CEP128: variants seen among roughly 807,000 people sequenced by gnomAD.
CEP128 encodes centrosomal protein 128.
CEP128 carries 132 observed loss-of-function variants against 156.7 expected under a neutral mutation model. That is an observed-to-expected ratio of 0.84 (90% CI 0.73 to 0.97). The LOEUF is 0.97. CEP128 is among the 50% of genes least tolerant of loss of function. The probability of loss-of-function intolerance (pLI) is 0.00; values close to 1 mark genes in which losing one functional copy is unlikely to be tolerated. For synonymous variants in CEP128, 469 were observed against 448.9 expected (o/e 1.04, Z -0.57); for missense variants, 1,252 against 1,281.9 (o/e 0.98, Z 0.36).
In CEP128 at chr14:80,646,709, C is replaced by T. The variant is rs1353330324; in HGVS notation, c.2807-66286G>A. Among the ~76,000 whole-genome samples, 3 of 151,488 alleles carry T rather than the reference C, an allele frequency of 2.0e-5. No homozygotes were observed. The South Asian group carries it at 6.2e-4, about 32-fold the overall frequency. On this transcript the variant is annotated intron_variant, in intron 19 of 24. Transcript: ENST00000555265. Reference sequence around the variant, plus strand: ...AGCATTAACTAATCCTTAATGTTATCGTTAAAAATGGATATACACAAATTT... The same window carrying T: ...AGCATTAACTAATCCTTAATGTTATTGTTAAAAATGGATATACACAAATTT...
At chr14:80,781,679 A>C (rs1901128931) in intron 15 of CEP128, among the ~76,000 whole-genome samples, 1 of 152,120 alleles carries the variant, frequency 6.6e-6, no homozygotes, top group South Asian at 2.1e-4. Flanking sequence ...ACTAGAGGGA[A>C]GTAGGGAGGT....
chr14:80,777,858 A>G, intron 16 of CEP128, 24 bp downstream of exon 16: 2 of 1,475,008 alleles, frequency 1.4e-6, no homozygotes, highest in South Asian at 1.2e-5. Flanking sequence ...AGAATTTGAA[A>G]TTAGAATTCA....
intron 2 of CEP128, among the ~76,000 whole-genome samples, chr14:80,956,926 T>C (rs1886725262): frequency 6.6e-6 from 1 of 152,154 alleles, no homozygotes; most frequent in South Asian, 2.1e-4. Context: ...CAGAATAAGA[T>C]GTGTAAAAGG....
At chr14:80,945,099 C>T (rs1594877465), upstream of CEP128, among the ~76,000 whole-genome samples, 1 of 151,960 alleles carries the variant, frequency 6.6e-6, no homozygotes, top group Non-Finnish European at 1.5e-5. Flanking sequence ...ATTTATTTCC[C>T]ACAATTCTGA....
intron 13 of CEP128, among the ~76,000 whole-genome samples, chr14:80,800,658 T>C (rs1049674133): frequency 3.3e-5 from 5 of 152,196 alleles, no homozygotes; most frequent in Admixed American, 1.3e-4. Context: ...CAGAGGTGTT[T>C]CCTAAATGTT....
chr14:80,931,894 G>C (rs564780989), intron 2 of CEP128, among the ~76,000 whole-genome samples: 1 of 152,318 alleles, frequency 6.6e-6, no homozygotes, highest in African/African-American at 2.4e-5. Context: ...TTTCAAAGGA[G>C]TTTGAGTATT....
chr14:80,848,674 A>AG (rs1339922273), intron 9 of CEP128, among the ~76,000 whole-genome samples: 1 of 151,902 alleles, frequency 6.6e-6, no homozygotes, highest in Non-Finnish European at 1.5e-5. Flanking sequence ...CAAAAAAAAA[A>AG]AGAAAAAGAG....
At position 80,838,206 on chromosome 14, in the gene CEP128, G is replaced by C. The variant is rs1056809028; in HGVS notation, c.922C>G (p.Gln308Glu). 4.4e-6 allele frequency: 7 copies of C among 1,602,718 alleles called. No homozygotes were observed. The highest frequency in any genetic ancestry group is 6.0e-6 in the Non-Finnish European group (7 of 1,169,912). ...SEGSRETLLH[Q>E]VEELRTQLTK... ...TATAATAACTTGCATAGACTTACCT[G>C]ATGCAAAAGTGTTTCTCGGCTGCCT... The change falls in exon 11 of 25, where the codon CAG (glutamine) becomes GAG (glutamate). Residue 308 changes from glutamine (Q) to glutamate (E), a missense_variant and splice_region_variant. Physicochemically the swap from Gln to Glu is conservative, Grantham distance 29. Coordinates refer to ENST00000555265, the MANE Select transcript of CEP128 (RefSeq NM_152446.5).
At chr14:80,793,354 T>C (rs1445391191) in intron 13 of CEP128, among the ~76,000 whole-genome samples, 2 of 152,206 alleles carry the variant, frequency 1.3e-5, no homozygotes, top group Non-Finnish European at 2.9e-5. Flanking sequence ...AGGGAAAATA[T>C]GTGTTTCCAA....
chr14:80,955,940 G>GC (rs1886652274), intron 2 of CEP128: 1 of 1,495,390 alleles, frequency 6.7e-7, no homozygotes, highest in Admixed American at 1.7e-5. Context: ...CTCAATAACA[G>GC]CCCGAAGTAG....
At chr14:80,937,786 A>G (rs1319641144) in intron 2 of CEP128, among the ~76,000 whole-genome samples, 1 of 151,724 alleles carries the variant, frequency 6.6e-6, no homozygotes, top group Non-Finnish European at 1.5e-5. Context: ...ACATGCTAAT[A>G]TAGTTTTTAA....
At chr14:80,561,110 A>G (rs1005626583) in intron 20 of CEP128, among the ~76,000 whole-genome samples, 3 of 152,148 alleles carry the variant, frequency 2.0e-5, no homozygotes, top group African/African-American at 7.2e-5. Flanking sequence ...ACTTATAAAG[A>G]CTTCTGCAAA....
chr14:80,783,711 C>T (rs1383826814), intron 15 of CEP128, among the ~76,000 whole-genome samples: 1 of 152,166 alleles, frequency 6.6e-6, no homozygotes, highest in Non-Finnish European at 1.5e-5. Context: ...CCACATTTGA[C>T]CATCTCTGAC....
chr14:80,833,189 G>A (rs1343404991), intron 12 of CEP128, among the ~76,000 whole-genome samples: 1 of 151,392 alleles, frequency 6.6e-6, no homozygotes, highest in Non-Finnish European at 1.5e-5. Flanking sequence ...GTGTATATTT[G>A]TGTGCATATA....
intron 19 of CEP128, among the ~76,000 whole-genome samples, chr14:80,725,648 T>C (rs113936660): frequency 2.6e-5 from 4 of 152,326 alleles, no homozygotes; most frequent in African/African-American, 9.6e-5. Context: ...AATTATAATA[T>C]GCTAGAATTC....
chr14:80,653,566 C>A (rs1895003643), intron 19 of CEP128, among the ~76,000 whole-genome samples: 1 of 152,058 alleles, frequency 6.6e-6, no homozygotes, highest in African/African-American at 2.4e-5. Context: ...ACTTTCATAG[C>A]TAGAAAGGAG....
rs139337026 is a variant in CEP128, at chr14:80,605,455, A to G, written c.2807-25032T>C. On this transcript the variant is annotated intron_variant, in intron 19 of 24. Coordinates refer to ENST00000555265, the MANE Select transcript of CEP128 (RefSeq NM_152446.5). ...CTCGAATATCTATCTGTTTTCTTCT[A>G]CACCCAGGATAAATACACTTTAGAT... 1.2e-3 allele frequency among the ~76,000 whole-genome samples: 186 copies of G among 152,216 alleles called. 4 individuals are homozygous for G. In the Middle Eastern group the frequency reaches 0.027, roughly 22 times the overall value.
chr14:80,728,924 C>T (rs1343430324), intron 19 of CEP128, among the ~76,000 whole-genome samples: 5 of 152,232 alleles, frequency 3.3e-5, no homozygotes, highest in Non-Finnish European at 2.9e-5. Context: ...GCTGCCAACG[C>T]GGAGTCACAG....
chr14:80,766,309 T>C (rs1900237143), intron 16 of CEP128, among the ~76,000 whole-genome samples: 1 of 152,152 alleles, frequency 6.6e-6, no homozygotes, highest in South Asian at 2.1e-4. Context: ...AAACGTAAAA[T>C]AAAACTGCTG....
Sources: allele counts gnomAD v4.1 joint callset (sites outside exome capture counted in the v4.1 genomes callset), GRCh38; gene constraint gnomAD v4.1.1; transcripts MANE v1.5; gene names NCBI Gene and HGNC (gene_info 2026-07-23, HGNC 2026-07-21).